Variants in MED1 observed in about 807,000 individuals in gnomAD.
MED1 encodes the protein mediator complex subunit 1.
MED1 carries 17 observed loss-of-function variants against 121.3 expected under a neutral mutation model. The ratio of observed to expected loss-of-function variants is 0.14; its 90% CI spans 0.10 to 0.21. MED1 has a LOEUF of 0.21. Ranked by LOEUF, MED1 falls within the 10% of genes least tolerant of loss-of-function variation. The pLI is 1.00. For synonymous variants in MED1, 661 were observed against 694.4 expected, an observed-to-expected ratio of 0.95 and a Z score of 0.76; for missense variants, 1,558 against 1,919.4, an observed-to-expected ratio of 0.81 and a Z score of 3.52.
rs1203123844 is a variant in MED1 at position 39,440,700 on chromosome 17, G to A, written c.212-23C>T. 1.3e-6 allele frequency: 2 copies of A among 1,599,624 alleles called. No individual in the cohort carries two copies. The highest frequency in any genetic ancestry group is 1.7e-5 in the Admixed American group (1 of 58,454). ...TTACTATAAAAGGATGAAAAAAGGA[G>A]TCACAAAGAATGCTCCAAATGACTT... On this transcript the variant is annotated intron_variant, in intron 3 of 16. Coordinates refer to ENST00000300651, the MANE Select transcript of MED1 (RefSeq NM_004774.4). This position sits in a 1 kb window ranked among gnomAD's most constrained non-coding sequence, Gnocchi z 4.1.
Position 39,405,256 on chromosome 17 carries a change from C to CGACAATTCAG in MED1, c.*2209_*2218dup, listed in dbSNP as rs771294853. 10 of 1,600,752 alleles carry CGACAATTCAG rather than the reference C, an allele frequency of 6.2e-6. No individual in the cohort carries two copies. The South Asian group carries it at 1.0e-4, about 16-fold the overall frequency. ...TGGGTCAGTGTGGGGGTGAGCCCATCGACAATTCAGGGGCTTATCCTTCAT... is the reference window on the plus strand; with the variant it reads ...TGGGTCAGTGTGGGGGTGAGCCCATCGACAATTCAGGACAATTCAGGGGCTTATCCTTCAT... On this transcript the variant is annotated 3_prime_UTR_variant, in exon 17 of 17. Transcript: ENST00000300651.
rs1328824300 is a variant in MED1, at chr17:39,406,707, T to TA, written c.*767dup. 6 of 985,304 alleles carry TA rather than the reference T, an allele frequency of 6.1e-6. No homozygotes were observed. In the African/African-American group the frequency reaches 1.0e-4, roughly 17 times the overall value. The allele number at this position is 985,304 out of a possible 1,614,324, so 61.0% of individuals were successfully genotyped here. A position where few individuals can be genotyped will look rare whatever the true frequency, so the allele number is the denominator to read the frequency against. On this transcript the variant is annotated 3_prime_UTR_variant, in exon 17 of 17. Transcript: ENST00000300651. The stretch of plus-strand genomic sequence containing the variant: ...TTGGTTTTTCTATTATATTTAACTC[T>TA]AAAGGCGGGCTCTGACTAATTTGCT...
At position 39,407,012 on chromosome 17, in the gene MED1, A is replaced by T. The variant is rs1156848651; in HGVS notation, c.*463T>A. On this transcript the variant is annotated 3_prime_UTR_variant, in exon 17 of 17. Transcript: ENST00000300651. ...CATGACTCAAACGGACAACTACCTC[A>T]AACAAAGTTGAACAACCTTCATGCA... 1 of 986,914 alleles carries T rather than the reference A, an allele frequency of 1.0e-6. No individual in the cohort carries two copies. The highest frequency in any genetic ancestry group is 1.7e-5 in the African/African-American group (1 of 57,254). 61.1% of individuals were successfully genotyped at this position (986,914 alleles called of 1,614,324 possible).
intron 9 of MED1, 112 bp from the exon 10 acceptor site, chr17:39,427,902 G>A: frequency 4.5e-6 from 3 of 667,354 alleles, no homozygotes; most frequent in South Asian, 2.0e-5. Flanking sequence ...TAACATATAT[G>A]AAGAGTCATG....
intron 6 of MED1, among the ~76,000 whole-genome samples, chr17:39,435,441 C>A (rs2048609316): frequency 6.6e-6 from 1 of 151,836 alleles, no homozygotes; most frequent in African/African-American, 2.4e-5. Flanking sequence ...GTTTAGGAAT[C>A]CAATACATCT....
intron 16 of MED1, among the ~76,000 whole-genome samples, chr17:39,412,119 C>T (rs1274516349): frequency 6.6e-6 from 1 of 151,472 alleles, no homozygotes; most frequent in East Asian, 1.9e-4. Context: ...TGTTATAAAT[C>T]TTGTTTATTT....
Position 39,405,589 on chromosome 17 carries a change from G to C in MED1, c.*1886C>G. ...TCAACATCACAAGATAAAGCACTCTGGTATCACCTGCCCATATCCTCCTTA... is the reference window on the plus strand; with the variant it reads ...TCAACATCACAAGATAAAGCACTCTCGTATCACCTGCCCATATCCTCCTTA... On this transcript the variant is annotated 3_prime_UTR_variant, in exon 17 of 17. Transcript: ENST00000300651. 1 of 1,231,414 alleles carries C rather than the reference G, an allele frequency of 8.1e-7. No homozygotes were observed. Among genetic ancestry groups the C allele is most frequent in the Non-Finnish European group, 1.0e-6 (1 of 980,476 alleles). The allele number at this position is 1,231,414 out of a possible 1,614,324, so 76.3% of individuals were successfully genotyped here.
intron 2 of MED1, 99 bp downstream of exon 2, chr17:39,447,699 T>A: frequency 1.2e-6 from 1 of 807,550 alleles, no homozygotes; most frequent in East Asian, 2.6e-5. Context: ...TATTCAGATG[T>A]TTTATGAAGA....
At position 39,451,050 on chromosome 17, in the gene MED1, CCT is replaced by C. The variant is rs2048777837; in HGVS notation, c.11_12del (p.Gln4ArgfsTer11). On this transcript the variant is annotated frameshift_variant, in exon 1 of 17. Coordinates refer to ENST00000300651, the MANE Select transcript of MED1 (RefSeq NM_004774.4). LOFTEE classifies it high-confidence loss of function. Reference sequence around the variant, plus strand: ...TACAGTCACTTACCCTCGGTTTCCCCCTGAGCTTTCATCCTGAAGGCGAGGAG... The same window carrying C: ...TACAGTCACTTACCCTCGGTTTCCCCGAGCTTTCATCCTGAAGGCGAGGAG... MKA[Q>X]GETEESEKLS... The C allele has an allele frequency of 3.1e-6, 5 of 1,612,016 alleles. No individual in the cohort carries two copies. The highest frequency in any genetic ancestry group is 4.2e-6 in the Non-Finnish European group (5 of 1,179,204).
At chr17:39,435,591 T>C (rs1370740191) in intron 6 of MED1, among the ~76,000 whole-genome samples, 1 of 152,160 alleles carries the variant, frequency 6.6e-6, no homozygotes, top group Admixed American at 6.6e-5. Flanking sequence ...ACAGTGCTAT[T>C]AAGACAGCAA....
At chr17:39,445,253 C>T (rs2048715336) in intron 2 of MED1, among the ~76,000 whole-genome samples, 1 of 151,204 alleles carries the variant, frequency 6.6e-6, no homozygotes, top group Non-Finnish European at 1.5e-5. Flanking sequence ...CGCTCCGATG[C>T]CCAGACTGGA....
chr17:39,441,678 G>A (rs921287888), intron 3 of MED1, among the ~76,000 whole-genome samples: 4 of 152,178 alleles, frequency 2.6e-5, no homozygotes, highest in African/African-American at 9.6e-5. Flanking sequence ...GCTGAGGCAA[G>A]AGAATCTCTT....
In MED1 at chr17:39,405,394, GATAC is replaced by G; in HGVS notation, c.*2077_*2080del. On this transcript the variant is annotated 3_prime_UTR_variant, in exon 17 of 17. Transcript: ENST00000300651. ...CCCTGCATGGGGGAGCTGAGCCCAT[GATAC>G]TATTCAGTACATTCCCCCTAAGATT... 1 of 1,546,372 alleles carries G rather than the reference GATAC, an allele frequency of 6.5e-7. No individual in the cohort carries two copies. Among genetic ancestry groups the G allele is most frequent in the Non-Finnish European group, 8.7e-7 (1 of 1,144,184 alleles).
rs941308256 is a variant in MED1 at position 39,409,749 on chromosome 17, A to G, written c.2472T>C (p.Asp824=). The stretch of plus-strand genomic sequence containing the variant: ...TTTCATTATTGTTAGTTTGAAAGAC[A>G]TCAGAGTCAAACAGGGTACTCTGAG... ...GHSQSTLFDS[D]VFQTNNNENP... The change falls in exon 17 of 17, where the codon GAT becomes GAC. Residue 824 remains aspartate, a synonymous_variant. Transcript: ENST00000300651. 3.1e-6 allele frequency: 5 copies of G among 1,614,222 alleles called. No homozygotes were observed. The highest frequency in any genetic ancestry group is 4.2e-6 in the Non-Finnish European group (5 of 1,180,024).
intron 8 of MED1, 83 bp from the exon 9 acceptor site, chr17:39,431,271 G>A (rs750073734): frequency 2.7e-6 from 3 of 1,108,390 alleles, no homozygotes; most frequent in Non-Finnish European, 3.9e-6. Flanking sequence ...TCACCTCTCC[G>A]AAGTCTTGTC....
At position 39,407,523 on chromosome 17, in the gene MED1, A is replaced by C. The variant is rs2048313850; in HGVS notation, c.4698T>G (p.Ile1566Met). The C allele has an allele frequency of 6.2e-6, 10 of 1,612,764 alleles. No homozygotes were observed. In the African/African-American group the frequency reaches 6.7e-5, roughly 11 times the overall value. Residue 1566 changes from isoleucine to methionine, a missense_variant, in exon 17 of 17, where the codon ATT (isoleucine) becomes ATG (methionine). Around this residue, in one of 5 missense-constraint regions of MED1, gnomAD observed 264 missense variants for 326.1 expected, o/e 0.81. Coordinates refer to ENST00000300651, the MANE Select transcript of MED1 (RefSeq NM_004774.4). Reference protein sequence around the residue: ...RPSRLSPDFMIGEEDDDLMDV... With the variant: ...RPSRLSPDFMMGEEDDDLMDV... ...CCATAAGATCATCATCTTCCTCCCC[A>C]ATCATAAAGTCTGGGCTGAGCCTTG...
intron 14 of MED1, among the ~76,000 whole-genome samples, chr17:39,415,628 T>C (rs1394115391): frequency 2.6e-5 from 4 of 151,966 alleles, no homozygotes; most frequent in Non-Finnish European, 5.9e-5. Context: ...CTGACCAACA[T>C]GGACAAACCC....
chr17:39,446,778 A>G (rs553977936), intron 2 of MED1, among the ~76,000 whole-genome samples: 7 of 149,888 alleles, frequency 4.7e-5, no homozygotes, highest in Admixed American at 4.0e-4. Context: ...ATCTCAAAGA[A>G]AAAAAAAAAA....
At position 39,408,545 on chromosome 17, in the gene MED1, T is replaced by C; in HGVS notation, c.3676A>G (p.Ser1226Gly). The change falls in exon 17 of 17, where the codon AGT becomes GGT. Residue 1226 changes from serine to glycine, a missense_variant. Physicochemically the swap from Ser to Gly is moderately conservative, Grantham distance 56. Transcript: ENST00000300651. The surrounding 1 kb of genome is among the most constrained non-coding windows in gnomAD (Gnocchi z 4.7). ...ATATGAGAACCACCAGAACCTGAAC[T>C]GATAGGGGACTTGGCTTTAGAGGAT... ...PPSSKAKSPI[S>G]SGSGGSHMSG... 1.2e-6 allele frequency: 2 copies of C among 1,614,186 alleles called. No homozygotes were observed. The highest frequency in any genetic ancestry group is 1.7e-6 in the Non-Finnish European group (2 of 1,180,038).
Sources: gnomAD v4.1 joint callset for allele counts (sites outside exome capture counted in the v4.1 genomes callset) on GRCh38, gnomAD v4.1.1 for gene constraint, gnomAD v4.1.1 regional missense constraint, Gnocchi (gnomAD v3.1) non-coding constraint, MANE v1.5 for transcripts, NCBI Gene and HGNC (gene_info 2026-07-23, HGNC 2026-07-21) for gene names.